The following DLG2 variants were observed in gnomAD, a reference collection of about 807,000 sequenced individuals.
DLG2 encodes discs large MAGUK scaffold protein 2.
A neutral mutation model predicts 132.5 loss-of-function variants in DLG2; 45 were observed. The ratio of observed to expected loss-of-function variants is 0.34; its 90% confidence interval spans 0.27 to 0.44. The LOEUF is 0.44. Ranked by LOEUF, DLG2 falls within the 20% of genes least tolerant of loss-of-function variation. The probability of loss-of-function intolerance (pLI) is 1.00; values close to 1 mark genes in which losing one functional copy is unlikely to be tolerated. For missense variants in DLG2, 1,045 were observed against 1,196.9 expected (o/e 0.87, Z 1.87); for synonymous variants, 424 against 419.6 (o/e 1.01, Z -0.13).
rs1239586919 is a variant in DLG2, at chr11:83,838,071, A to C, written c.1566-4301T>G. ...ACATATAGATGGAGGGAAGAGAGTG[A>C]TTAGGACTCTGACATTTGTCCCTGT... On this transcript the variant is annotated intron_variant, in intron 16 of 27. Coordinates refer to ENST00000376104, the MANE Select transcript of DLG2 (RefSeq NM_001142699.3). Among the ~76,000 whole-genome samples the C allele has an allele frequency of 5.8e-5, 4 of 68,984 alleles. No homozygotes were observed. In the African/African-American group the frequency reaches 6.0e-4, roughly 10 times the overall value. The allele number at this position is 68,984 out of a possible 152,430, so 45.3% of individuals were successfully genotyped here.
intron 18 of DLG2, among the ~76,000 whole-genome samples, chr11:83,652,876 C>T (rs989590863): frequency 1.3e-5 from 2 of 152,152 alleles, no homozygotes; most frequent in Non-Finnish European, 2.9e-5. Context: ...TCATATCCCA[C>T]CAAGTTGTAC....
At chr11:84,234,647 GGTT>G in intron 8 of DLG2, among the ~76,000 whole-genome samples, 1 of 152,272 alleles carries the variant, frequency 6.6e-6, no homozygotes, top group South Asian at 2.1e-4. Context: ...GGGAATGGGT[GGTT>G]GGACATGCTT....
chr11:84,656,648 C>G (rs897342161), intron 6 of DLG2, among the ~76,000 whole-genome samples: 8 of 152,140 alleles, frequency 5.3e-5, no homozygotes, highest in Non-Finnish European at 8.8e-5. Context: ...TTTAAACAAT[C>G]TGGACCATAA....
intron 6 of DLG2, among the ~76,000 whole-genome samples, chr11:85,062,693 G>A (rs1387112905): frequency 1.3e-5 from 2 of 151,626 alleles, no homozygotes; most frequent in East Asian, 3.9e-4. Flanking sequence ...AGAAATGAGT[G>A]CTTTAAAAGT....
In DLG2 at chr11:84,519,066, C is replaced by G. The variant is rs2099284391; in HGVS notation, c.519+15504G>C. On this transcript the variant is annotated intron_variant, in intron 7 of 27. Transcript: ENST00000376104. ...TGCAGGCTGATTTATAAGCAACTCA[C>G]CCTGCCCTGGAGCAGAAAGTGAAAT... Among the ~76,000 whole-genome samples the G allele has an allele frequency of 2.0e-5, 3 of 152,224 alleles. No homozygotes were observed. In the South Asian group the frequency reaches 6.2e-4, roughly 32 times the overall value.
intron 4 of DLG2, among the ~76,000 whole-genome samples, chr11:85,238,686 G>A (rs1398028287): frequency 2.0e-5 from 3 of 151,762 alleles, no homozygotes; most frequent in Non-Finnish European, 2.9e-5. Flanking sequence ...AATTATATTA[G>A]AGTCTTTAGG....
At chr11:83,928,624 G>T (rs1236814364) in intron 15 of DLG2, among the ~76,000 whole-genome samples, 2 of 152,074 alleles carry the variant, frequency 1.3e-5, no homozygotes, top group Non-Finnish European at 2.9e-5. Context: ...AGCAAAAATG[G>T]CTAATGGTCT....
chr11:84,721,084 C>A (rs750048571), intron 6 of DLG2, among the ~76,000 whole-genome samples: 8 of 151,978 alleles, frequency 5.3e-5, no homozygotes, highest in Non-Finnish European at 1.2e-4. Context: ...CCCGAGACTG[C>A]ATTTGGCCCC....
At chr11:85,582,705 A>AAAAAAAAAG (rs1565716140) in intron 3 of DLG2, among the ~76,000 whole-genome samples, 1 of 138,290 alleles carries the variant, frequency 7.2e-6, no homozygotes, top group Non-Finnish European at 1.6e-5. Context: ...AAAAAAAAAA[A>AAAAAAAAAG]CTCGTGCAGC....
chr11:83,724,728 G>A, intron 18 of DLG2: 1 of 629,314 alleles, frequency 1.6e-6, no homozygotes, highest in Non-Finnish European at 2.9e-6. Flanking sequence ...CTAACAAACG[G>A]CAGGGAAAGG....
intron 3 of DLG2, among the ~76,000 whole-genome samples, chr11:85,589,283 C>G (rs997416539): frequency 6.6e-6 from 1 of 152,134 alleles, no homozygotes; most frequent in South Asian, 2.1e-4. Context: ...GTTGCTGCAA[C>G]GTCCTGAGTT....
intron 3 of DLG2, among the ~76,000 whole-genome samples, chr11:85,571,029 A>T (rs1386571779): frequency 6.6e-6 from 1 of 152,086 alleles, no homozygotes; most frequent in Non-Finnish European, 1.5e-5. Flanking sequence ...TTTTTTTAAC[A>T]TGGTTCAATT....
chr11:83,953,324 C>A (rs1288050766), intron 14 of DLG2, among the ~76,000 whole-genome samples: 1 of 152,176 alleles, frequency 6.6e-6, no homozygotes, highest in Non-Finnish European at 1.5e-5. Context: ...GAGCAGTGAG[C>A]TTTACTGCCT....
At chr11:84,720,352 A>G in intron 6 of DLG2, 1 of 985,494 alleles carries the variant, frequency 1.0e-6, no homozygotes, top group Non-Finnish European at 1.2e-6. Context: ...TTGCAGTGGC[A>G]AATCATTGGT....
intron 3 of DLG2, among the ~76,000 whole-genome samples, chr11:85,311,072 C>T (rs1277964966): frequency 6.6e-6 from 1 of 152,150 alleles, no homozygotes; most frequent in Non-Finnish European, 1.5e-5. Flanking sequence ...ATGATTTTTA[C>T]ATTTCTCAAA....
chr11:84,214,175 G>C (rs916896073), intron 8 of DLG2, among the ~76,000 whole-genome samples: 1 of 134,954 alleles, frequency 7.4e-6, no homozygotes, highest in Non-Finnish European at 1.5e-5. Context: ...TATCAATTCA[G>C]AGCCAAAACT....
chr11:84,425,804 G>A (rs1358288812), intron 7 of DLG2, among the ~76,000 whole-genome samples: 1 of 152,080 alleles, frequency 6.6e-6, no homozygotes, highest in African/African-American at 2.4e-5. Flanking sequence ...TCAAAACTGT[G>A]CATCCTAGAG....
intron 9 of DLG2, among the ~76,000 whole-genome samples, chr11:84,124,198 A>G (rs1566605485): frequency 6.6e-6 from 1 of 152,034 alleles, no homozygotes. Context: ...CTACCAGCAC[A>G]TGTTTTTTTC....
At chr11:84,425,202 AG>A (rs2154469314) in intron 7 of DLG2, among the ~76,000 whole-genome samples, 1 of 152,262 alleles carries the variant, frequency 6.6e-6, no homozygotes, top group Non-Finnish European at 1.5e-5. Context: ...CAAAGGCTGC[AG>A]ATGATTTATT....
Sources: gnomAD v4.1 joint callset for allele counts (sites outside exome capture counted in the v4.1 genomes callset) on GRCh38, gnomAD v4.1.1 for gene constraint, MANE v1.5 for transcripts, NCBI Gene and HGNC (gene_info 2026-07-23, HGNC 2026-07-21) for gene names.